The following ARHGAP24 variants were observed in gnomAD, a reference collection of about 807,000 sequenced individuals.
The protein encoded by ARHGAP24 is Rho GTPase activating protein 24.
In ARHGAP24, 50 loss-of-function variants were observed where a neutral mutation model predicts 76.4. The observed-to-expected ratio is 0.65, with a 90% CI of 0.52 to 0.83. The LOEUF is 0.83. ARHGAP24 is among the 40% of genes least tolerant of loss of function. The pLI is 0.00. For synonymous variants in ARHGAP24, 345 were observed against 323.3 expected (o/e 1.07, Z -0.72); for missense variants, 930 against 914.2 (o/e 1.02, Z -0.22).
intron 3 of ARHGAP24, among the ~76,000 whole-genome samples, chr4:85,848,512 C>A (rs1224080509): frequency 6.6e-6 from 1 of 152,180 alleles, no homozygotes; most frequent in African/African-American, 2.4e-5. Context: ...AGGATATGAA[C>A]TCATTCTTTT....
rs746531723 is a variant in ARHGAP24 at position 85,995,067 on chromosome 4, A to G, written c.1413A>G (p.Lys471=). 4 of 1,614,068 alleles carry G rather than the reference A, an allele frequency of 2.5e-6. No homozygotes were observed. Among genetic ancestry groups the G allele is most frequent in the Non-Finnish European group, 3.4e-6 (4 of 1,180,010 alleles). The change falls in exon 9 of 10, where the codon AAA becomes AAG. Residue 471 remains lysine (K), a synonymous_variant. Coordinates refer to ENST00000395184, the MANE Select transcript of ARHGAP24 (RefSeq NM_001025616.3). ...RSSSLKVSGT[K]MGTHSVQNGT... The stretch of plus-strand genomic sequence containing the variant: ...CTTCACTGAAGGTATCTGGTACCAA[A>G]ATGGGCACGCACAGTGTACAGAATG...
intron 1 of ARHGAP24, among the ~76,000 whole-genome samples, chr4:85,556,171 C>T (rs1726355847): frequency 6.6e-6 from 1 of 151,990 alleles, no homozygotes; most frequent in Non-Finnish European, 1.5e-5. Context: ...GAGAGGAGAG[C>T]CTGAGCTTCT....
At position 85,515,387 on chromosome 4, in the gene ARHGAP24, A is replaced by G. The variant is rs1285445951; in HGVS notation, c.-21+39828A>G. 9.5e-5 allele frequency among the ~76,000 whole-genome samples: 12 copies of G among 126,524 alleles called. No homozygotes were observed. The South Asian group carries it at 2.0e-3, about 21-fold the overall frequency. 83.0% of individuals were successfully genotyped at this position (126,524 alleles called of 152,430 possible). On this transcript the variant is annotated intron_variant, in intron 1 of 9. Transcript: ENST00000395184. ...GCAGGTAATCTTTTTTTTTTTTGGC[A>G]TGGGGGGAGGTTTGGGTTGTGCAAA...
At chr4:85,911,770 G>A (rs1395984365) in intron 3 of ARHGAP24, among the ~76,000 whole-genome samples, 1 of 152,140 alleles carries the variant, frequency 6.6e-6, no homozygotes, top group Non-Finnish European at 1.5e-5. Context: ...TATGCTTTTA[G>A]CCACCTGCAA....
intron 2 of ARHGAP24, among the ~76,000 whole-genome samples, chr4:85,692,175 A>G (rs77734013): frequency 0.024 from 3,641 of 152,246 alleles, 53 homozygotes; most frequent in South Asian, 0.057. Context: ...TCTGGCTTGT[A>G]AAGTTTTTGA....
At chr4:85,848,028 G>T (rs1380971642) in intron 3 of ARHGAP24, among the ~76,000 whole-genome samples, 1 of 152,120 alleles carries the variant, frequency 6.6e-6, no homozygotes, top group African/African-American at 2.4e-5. Context: ...CATCTAATCT[G>T]TTTTCTATAA....
chr4:85,487,889 T>C (rs913873116), intron 1 of ARHGAP24, among the ~76,000 whole-genome samples: 3 of 127,790 alleles, frequency 2.3e-5, no homozygotes, highest in Non-Finnish European at 4.7e-5. Context: ...ATATATATAA[T>C]AAATATATTT....
chr4:85,734,832 A>G (rs1725546355), intron 3 of ARHGAP24, among the ~76,000 whole-genome samples: 1 of 151,900 alleles, frequency 6.6e-6, no homozygotes. Context: ...AACTCATTCC[A>G]CTTTGGCTAT....
chr4:85,579,922 A>G (rs1331629503), intron 2 of ARHGAP24, among the ~76,000 whole-genome samples: 4 of 152,164 alleles, frequency 2.6e-5, no homozygotes, highest in Non-Finnish European at 5.9e-5. Flanking sequence ...ATATTCATTT[A>G]CAAGTGTTTT....
intron 8 of ARHGAP24, among the ~76,000 whole-genome samples, chr4:85,979,179 T>C (rs1739501034): frequency 2.0e-5 from 3 of 152,184 alleles, no homozygotes; most frequent in Admixed American, 1.3e-4. Flanking sequence ...CCTTTGATTG[T>C]GTTGTGTCCT....
intron 5 of ARHGAP24, among the ~76,000 whole-genome samples, chr4:85,952,149 T>C (rs2148833308): frequency 6.6e-6 from 1 of 152,260 alleles, no homozygotes; most frequent in South Asian, 2.1e-4. Flanking sequence ...TAAGCAGAGA[T>C]TTAGATGTGT....
chr4:85,536,137 T>TCC (rs1231661127), intron 1 of ARHGAP24, among the ~76,000 whole-genome samples: 9 of 149,874 alleles, frequency 6.0e-5, no homozygotes, highest in African/African-American at 2.0e-4. Context: ...CTTACTCCAG[T>TCC]ACAAAAAAAA....
intron 3 of ARHGAP24, among the ~76,000 whole-genome samples, chr4:85,827,029 T>C (rs1729744770): frequency 6.6e-6 from 1 of 152,174 alleles, no homozygotes; most frequent in Non-Finnish European, 1.5e-5. Flanking sequence ...TACAGGGAAA[T>C]ATTTATTAAC....
At chr4:85,700,548 T>C (rs929791206) in intron 2 of ARHGAP24, among the ~76,000 whole-genome samples, 1 of 151,970 alleles carries the variant, frequency 6.6e-6, no homozygotes, top group African/African-American at 2.4e-5. Flanking sequence ...TCAATGGAGA[T>C]AGGAAGGATT....
intron 3 of ARHGAP24, among the ~76,000 whole-genome samples, chr4:85,809,687 C>A (rs529417186): frequency 1.3e-5 from 2 of 152,124 alleles, no homozygotes; most frequent in South Asian, 2.1e-4. Flanking sequence ...GTAAATAAGC[C>A]CCTCATTTTG....
intron 2 of ARHGAP24, among the ~76,000 whole-genome samples, chr4:85,638,988 G>A (rs1252915592): frequency 1.3e-5 from 2 of 152,082 alleles, no homozygotes; most frequent in Non-Finnish European, 2.9e-5. Flanking sequence ...TATTTTACAT[G>A]GGCATGGAGC....
intron 3 of ARHGAP24, among the ~76,000 whole-genome samples, chr4:85,799,180 T>A (rs1728482315): frequency 6.6e-6 from 1 of 152,152 alleles, no homozygotes; most frequent in Non-Finnish European, 1.5e-5. Context: ...GCACACTTAA[T>A]GTCCAGATTT....
intron 4 of ARHGAP24, among the ~76,000 whole-genome samples, chr4:85,928,818 G>A (rs1232003109): frequency 5.9e-5 from 9 of 152,124 alleles, no homozygotes; most frequent in Admixed American, 5.2e-4. Context: ...CCAAAATCAG[G>A]TCTTTCCTGT....
intron 2 of ARHGAP24, among the ~76,000 whole-genome samples, chr4:85,586,023 A>T (rs73835232): frequency 0.024 from 3,670 of 152,232 alleles, 130 homozygotes; most frequent in African/African-American, 0.081. Flanking sequence ...CTTGATTTTT[A>T]ACTATTTTTC....
Sources: gnomAD v4.1 joint callset for allele counts (sites outside exome capture counted in the v4.1 genomes callset) on GRCh38, gnomAD v4.1.1 for gene constraint, MANE v1.5 for transcripts, NCBI Gene and HGNC (gene_info 2026-07-23, HGNC 2026-07-21) for gene names.